The following GLDC variants were observed in gnomAD, a reference collection of about 807,000 sequenced individuals.
GLDC encodes glycine dehydrogenase (decarboxylating), mitochondrial.
A neutral mutation model predicts 121.3 loss-of-function variants in GLDC; 104 were observed. That is an observed-to-expected ratio of 0.86 (90% CI 0.73 to 1.01). The LOEUF is 1.01. Ranked by LOEUF, GLDC falls within the 50% of genes least tolerant of loss-of-function variation. GLDC has a pLI of 0.00. For missense variants in GLDC, 1,429 were observed against 1,306.6 expected, an observed-to-expected ratio of 1.09 and a Z score of -1.44; for synonymous variants, 546 against 480.6, an observed-to-expected ratio of 1.14 and a Z score of -1.78.
In GLDC at chr9:6,550,925, G is replaced by A. The variant is rs778469197; in HGVS notation, c.2458-11C>T. 43 of 1,539,850 alleles carry A rather than the reference G, an allele frequency of 2.8e-5. No individual in the cohort carries two copies. The highest frequency in any genetic ancestry group is 3.8e-5 in the Non-Finnish European group (42 of 1,112,396). ...CTTGCCTCCCATCATCTGCAACAAA[G>A]GGAAAAAGAGCCATTAGCCATTGAA... On this transcript the variant is annotated splice_polypyrimidine_tract_variant and intron_variant, in intron 20 of 24. Transcript: ENST00000321612.
At chr9:6,589,764 A>T (rs1435412868) in intron 11 of GLDC, among the ~76,000 whole-genome samples, 1 of 152,174 alleles carries the variant, frequency 6.6e-6, no homozygotes, top group East Asian at 1.9e-4. Flanking sequence ...ACTAAAACTT[A>T]GAAGAAAATA....
chr9:6,619,981 G>A (rs1426678775), intron 3 of GLDC, among the ~76,000 whole-genome samples: 2 of 152,212 alleles, frequency 1.3e-5, no homozygotes, highest in Admixed American at 6.5e-5. Context: ...GGGACTGGAA[G>A]TGGGAAGAAA....
chr9:6,601,612 TC>T (rs1389979129), intron 8 of GLDC, among the ~76,000 whole-genome samples: 1 of 152,088 alleles, frequency 6.6e-6, no homozygotes, highest in Non-Finnish European at 1.5e-5. Flanking sequence ...AGTGTCTTTT[TC>T]TTTAACTTTT....
intron 9 of GLDC, 35 bp from the exon 10 acceptor site, chr9:6,593,025 T>G (rs369602148): frequency 4.2e-5 from 68 of 1,611,038 alleles, no homozygotes; most frequent in Non-Finnish European, 5.8e-5. Flanking sequence ...AACTCTCATA[T>G]AGAAACCTGC....
Position 6,623,179 on chromosome 9 carries a change from G to A in GLDC, c.335-2860C>T, listed in dbSNP as rs1819152924. ...GCGGTTTTGTGGAATAGAAAAGGGGGAAAGGTGGGGAAAAGATTGAGAAAT... is the reference window on the plus strand; with the variant it reads ...GCGGTTTTGTGGAATAGAAAAGGGGAAAAGGTGGGGAAAAGATTGAGAAAT... On this transcript the variant is annotated intron_variant, in intron 2 of 24. Coordinates refer to ENST00000321612, the MANE Select transcript of GLDC (RefSeq NM_000170.3). 5 of 178,390 alleles carry A rather than the reference G, an allele frequency of 2.8e-5. No individual in the cohort carries two copies. The South Asian group carries it at 3.9e-4, about 14-fold the overall frequency. The allele number at this position is 178,390 out of a possible 1,614,324, so 11.1% of individuals were successfully genotyped here. A position where few individuals can be genotyped will look rare whatever the true frequency, so the allele number is the denominator to read the frequency against.
At chr9:6,621,491 C>G (rs1026650459) in intron 2 of GLDC, among the ~76,000 whole-genome samples, 2 of 152,094 alleles carry the variant, frequency 1.3e-5, no homozygotes, top group African/African-American at 4.8e-5. Context: ...TTGAGAGCTG[C>G]TACATGGACA....
intron 15 of GLDC, chr9:6,565,661 C>G: frequency 1.6e-6 from 1 of 617,060 alleles, no homozygotes; most frequent in Non-Finnish European, 2.9e-6. Context: ...CACTCCTACC[C>G]AAAGATGGAG....
chr9:6,556,809 A>G (rs1817642624), intron 17 of GLDC, among the ~76,000 whole-genome samples: 1 of 152,134 alleles, frequency 6.6e-6, no homozygotes, highest in Non-Finnish European at 1.5e-5. Context: ...AAAAAAAGAA[A>G]AAAGAAAAAA....
At chr9:6,640,895 A>AT (rs1251998426) in intron 2 of GLDC, among the ~76,000 whole-genome samples, 1 of 152,206 alleles carries the variant, frequency 6.6e-6, no homozygotes, top group African/African-American at 2.4e-5. Context: ...GAAAGCTAAA[A>AT]CCACTAATAA....
rs1818693894 is a variant in GLDC at position 6,604,692 on chromosome 9, C to T, written c.954G>A (p.Gln318=). 4 of 1,614,172 alleles carry T rather than the reference C, an allele frequency of 2.5e-6. No individual in the cohort carries two copies. Among genetic ancestry groups the T allele is most frequent in the Non-Finnish European group, 3.4e-6 (4 of 1,179,982 alleles). The change falls in exon 7 of 25, where the codon CAG becomes CAA. Residue 318 remains glutamine, a synonymous_variant. Coordinates refer to ENST00000321612, the MANE Select transcript of GLDC (RefSeq NM_000170.3). The stretch of plus-strand genomic sequence containing the variant: ...CATAGCCCAGTGGCACTCCAAATCT[C>T]TGGGAGCTGCCCAGGGCGATGTCTA... ...FGVDIALGSS[Q]RFGVPLGYGG...
intron 15 of GLDC, among the ~76,000 whole-genome samples, chr9:6,577,868 T>G (rs1005874810): frequency 2.6e-5 from 4 of 151,896 alleles, no homozygotes; most frequent in Non-Finnish European, 4.4e-5. Context: ...GCTTTGAGCT[T>G]AATGTACTTC....
intron 15 of GLDC, among the ~76,000 whole-genome samples, chr9:6,582,722 G>A (rs1430269630): frequency 2.6e-5 from 4 of 151,856 alleles, no homozygotes; most frequent in African/African-American, 7.3e-5. Flanking sequence ...CCAGCTACTC[G>A]GGAGGGTGAG....
At chr9:6,597,104 G>A (rs1818506863) in intron 8 of GLDC, among the ~76,000 whole-genome samples, 1 of 152,186 alleles carries the variant, frequency 6.6e-6, no homozygotes, top group African/African-American at 2.4e-5. Context: ...CTTATGCAAA[G>A]AAGCCAGGTA....
chr9:6,585,887 T>C (rs180788812), intron 15 of GLDC, among the ~76,000 whole-genome samples: 7 of 113,808 alleles, frequency 6.2e-5, no homozygotes, highest in African/African-American at 2.2e-4. Context: ...TATCTATCTA[T>C]CTATCATCTG....
chr9:6,611,453 G>C (rs906430182), intron 3 of GLDC, among the ~76,000 whole-genome samples: 11 of 152,246 alleles, frequency 7.2e-5, no homozygotes, highest in Middle Eastern at 3.4e-3. Flanking sequence ...CTACTCAGGA[G>C]GCTGAGGCAG....
chr9:6,592,053 G>C (rs1207407656), intron 11 of GLDC, 90 bp downstream of exon 11: 1 of 812,044 alleles, frequency 1.2e-6, no homozygotes, highest in Non-Finnish European at 2.2e-6. Context: ...TCACACTTGG[G>C]CCCCTTCTCC....
rs555776146 is a variant in GLDC, at chr9:6,533,078, G to A, written c.3002C>T (p.Thr1001Ile). The A allele has an allele frequency of 7.4e-6, 12 of 1,611,142 alleles. No individual in the cohort carries two copies. Among genetic ancestry groups the A allele is most frequent in the Non-Finnish European group, 8.5e-6 (10 of 1,177,330 alleles). ...DIYGDQHLVCTCPPMEVYESP... is the reference protein window; with the variant it reads ...DIYGDQHLVCICPPMEVYESP... ...CTCATAAACTTCCATGGGTGGGCAG[G>A]TACAAACCAGGTGCTGATCTCCATA... is the stretch of plus-strand genomic sequence containing the variant. Residue 1001 changes from threonine to isoleucine, a missense_variant, in exon 25 of 25, where the codon ACC becomes ATC. Coordinates refer to ENST00000321612, the MANE Select transcript of GLDC (RefSeq NM_000170.3).
chr9:6,586,800 A>G (rs745361164), intron 15 of GLDC, among the ~76,000 whole-genome samples: 11 of 152,160 alleles, frequency 7.2e-5, no homozygotes, highest in Non-Finnish European at 1.2e-4. Flanking sequence ...GCCATTAGAG[A>G]TTTGCAGCTT....
intron 9 of GLDC, among the ~76,000 whole-genome samples, chr9:6,594,183 C>A (rs932010443): frequency 6.6e-6 from 1 of 152,044 alleles, no homozygotes; most frequent in African/African-American, 2.4e-5. Flanking sequence ...TAGTTTATTG[C>A]TTTATTTTGT....
Sources: allele counts gnomAD v4.1 joint callset (sites outside exome capture counted in the v4.1 genomes callset), GRCh38; gene constraint gnomAD v4.1.1; transcripts MANE v1.5; gene names NCBI Gene and HGNC (gene_info 2026-07-23, HGNC 2026-07-21).